The following DOCK8 variants were observed in gnomAD, a reference collection of about 807,000 sequenced individuals.
The protein encoded by DOCK8 is dedicator of cytokinesis 8, also known as dedicator of cytokinesis protein 8.
DOCK8 carries 141 observed loss-of-function variants against 245.6 expected under a neutral mutation model. The ratio of observed to expected loss-of-function variants is 0.57; its 90% CI spans 0.50 to 0.66. The LOEUF (loss-of-function observed/expected upper bound fraction) is 0.66, where lower values mean the gene tolerates loss of function less well. Ranked by LOEUF, DOCK8 falls within the 30% of genes least tolerant of loss-of-function variation. The pLI, the probability that DOCK8 is intolerant of heterozygous loss-of-function variation, is 0.00. For missense variants in DOCK8, 2,965 were observed against 2,603.4 expected, an observed-to-expected ratio of 1.14 and a Z score of -3.02; for synonymous variants, 1,168 against 970.2, an observed-to-expected ratio of 1.20 and a Z score of -3.79.
At chr9:400,895 TCCCCCA>T (rs2054992798) in intron 26 of DOCK8, among the ~76,000 whole-genome samples, 4 of 42,148 alleles carry the variant, frequency 9.5e-5, no homozygotes, top group African/African-American at 4.2e-4. Flanking sequence ...CACCACCACC[TCCCCCA>T]CTACCAACAG....
intron 45 of DOCK8, among the ~76,000 whole-genome samples, chr9:450,601 C>G (rs1003999602): frequency 1.3e-5 from 2 of 152,106 alleles, no homozygotes; most frequent in African/African-American, 4.8e-5. Flanking sequence ...GGCAGTTATT[C>G]AGTGAGCATC....
intron 26 of DOCK8, among the ~76,000 whole-genome samples, chr9:404,158 C>G (rs918482928): frequency 1.3e-5 from 2 of 151,668 alleles, no homozygotes; most frequent in African/African-American, 4.8e-5. Flanking sequence ...CTTCCTTCCC[C>G]TATTTTGCCT....
intron 4 of DOCK8, among the ~76,000 whole-genome samples, chr9:300,130 C>G (rs2049466722): frequency 6.6e-6 from 1 of 151,910 alleles, no homozygotes. Context: ...TGGCTCAAAA[C>G]AAATTGTTTG....
intron 1 of DOCK8, among the ~76,000 whole-genome samples, chr9:258,730 T>C (rs1267084323): frequency 2.0e-5 from 3 of 151,412 alleles, no homozygotes; most frequent in Non-Finnish European, 2.9e-5. Context: ...CCCGAGTATC[T>C]GGGATTACAG....
At chr9:270,625 A>G (rs2048139587) in intron 1 of DOCK8, among the ~76,000 whole-genome samples, 1 of 152,250 alleles carries the variant, frequency 6.6e-6, no homozygotes, top group Admixed American at 6.5e-5. Context: ...TCACAGAGAA[A>G]ACATAATACG....
intron 3 of DOCK8, 102 bp from the exon 4 acceptor site, chr9:289,408 G>GGT (rs1263591567): frequency 3.3e-6 from 3 of 914,748 alleles, no homozygotes; most frequent in Non-Finnish European, 5.4e-6. Flanking sequence ...CATTCTCACT[G>GGT]ATAAGGATTT....
chr9:421,409 T>G (rs1454853310), intron 32 of DOCK8, among the ~76,000 whole-genome samples: 1 of 152,102 alleles, frequency 6.6e-6, no homozygotes, highest in African/African-American at 2.4e-5. Flanking sequence ...CCTTTCTATG[T>G]GACCTTTGGC....
chr9:334,291 C>A lies in DOCK8; in HGVS notation c.1192C>A (p.Arg398=), dbSNP rs369052464. 3 of 1,614,026 alleles carry A rather than the reference C, an allele frequency of 1.9e-6. No homozygotes were observed. Among genetic ancestry groups the A allele is most frequent in the African/African-American group, 2.7e-5 (2 of 74,926 alleles). The change falls in exon 11 of 48, where the codon CGG becomes AGG. Residue 398 remains arginine (R), a synonymous_variant. Transcript: ENST00000432829. Reference sequence around the variant, plus strand: ...CTTCTGCCAGCGTTTGGGGAAATACCGGATGCCCTTTGCCTGGGCACCCAT... The same window carrying A: ...CTTCTGCCAGCGTTTGGGGAAATACAGGATGCCCTTTGCCTGGGCACCCAT... ...ESFCQRLGKY[R]MPFAWAPISL...
chr9:336,547 G>A, intron 11 of DOCK8, 35 bp from the exon 12 acceptor site: 1 of 1,613,818 alleles, frequency 6.2e-7, no homozygotes, highest in Non-Finnish European at 8.5e-7. Context: ...TGAACAGAAA[G>A]GCATACTTTG....
At chr9:372,141 T>C (rs2053314730) in intron 17 of DOCK8, 44 bp from the exon 18 acceptor site, 3 of 1,505,514 alleles carry the variant, frequency 2.0e-6, no homozygotes, top group Non-Finnish European at 2.8e-6. Context: ...CAGAATTATA[T>C]GCTGTAATAA....
chr9:425,383 G>T (rs149791401), intron 33 of DOCK8, among the ~76,000 whole-genome samples: 4,918 of 151,886 alleles, frequency 0.032, 92 homozygotes, highest in Non-Finnish European at 0.041. Flanking sequence ...ATACAAAAAA[G>T]TAGCCGGGCG....
At chr9:387,370 G>C (rs1421997219) in intron 23 of DOCK8, among the ~76,000 whole-genome samples, 2 of 151,620 alleles carry the variant, frequency 1.3e-5, no homozygotes, top group Admixed American at 6.6e-5. Flanking sequence ...TTGAACACGG[G>C]AGGCAGAGGC....
At chr9:440,817 C>T (rs2057072202) in intron 40 of DOCK8, among the ~76,000 whole-genome samples, 1 of 152,216 alleles carries the variant, frequency 6.6e-6, no homozygotes, top group Non-Finnish European at 1.5e-5. Flanking sequence ...TGGCTCACTA[C>T]AGCCTTGACC....
At chr9:238,062 A>G (rs954437583) in intron 1 of DOCK8, among the ~76,000 whole-genome samples, 8 of 152,114 alleles carry the variant, frequency 5.3e-5, no homozygotes, top group Non-Finnish European at 1.2e-4. Flanking sequence ...TTTTCTTTGC[A>G]TTTGTTGACT....
intron 4 of DOCK8, among the ~76,000 whole-genome samples, chr9:292,447 A>T (rs146472758): frequency 6.6e-6 from 1 of 151,578 alleles, no homozygotes; most frequent in African/African-American, 2.4e-5. Flanking sequence ...ATCCTCAAGA[A>T]TATTAGATGT....
At chr9:233,708 T>G (rs1315324936) in intron 1 of DOCK8, among the ~76,000 whole-genome samples, 1 of 152,194 alleles carries the variant, frequency 6.6e-6, no homozygotes, top group Non-Finnish European at 1.5e-5. Context: ...CATCAGAGAC[T>G]AGGATTGCAA....
At chr9:463,454 G>T in intron 46 of DOCK8, 63 bp from the exon 47 acceptor site, 1 of 1,587,790 alleles carries the variant, frequency 6.3e-7, no homozygotes, top group East Asian at 2.2e-5. Flanking sequence ...TAATTTCATT[G>T]TTCTCAGATT....
intron 18 of DOCK8, among the ~76,000 whole-genome samples, chr9:375,889 C>G (rs1369062383): frequency 6.6e-6 from 1 of 152,066 alleles, no homozygotes; most frequent in African/African-American, 2.4e-5. Flanking sequence ...CCCCGCTACT[C>G]CAGAGACTGA....
At chr9:358,823 T>C (rs1488831972) in intron 14 of DOCK8, among the ~76,000 whole-genome samples, 1 of 152,172 alleles carries the variant, frequency 6.6e-6, no homozygotes, top group Admixed American at 6.5e-5. Context: ...CACTCCAGCC[T>C]GGGTGACAGA....
Sources: allele counts gnomAD v4.1 joint callset (sites outside exome capture counted in the v4.1 genomes callset), GRCh38; gene constraint gnomAD v4.1.1; transcripts MANE v1.5; gene names NCBI Gene and HGNC (gene_info 2026-07-23, HGNC 2026-07-21).